Variants in PKIB observed in about 807,000 individuals in gnomAD.
The protein encoded by PKIB is PKI-beta.
In PKIB, 2 loss-of-function variants were observed where a neutral mutation model predicts 4.5. The ratio of observed to expected loss-of-function variants is 0.44; its 90% confidence interval spans 0.18 to 1.39. The LOEUF (loss-of-function observed/expected upper bound fraction) is 1.39, where lower values mean the gene tolerates loss of function less well. Ranked by LOEUF, PKIB falls within the 40% of genes most tolerant of loss-of-function variation. The pLI is 0.27. For synonymous variants in PKIB, 38 were observed against 36.0 expected (o/e 1.06, Z -0.20); for missense variants, 94 against 92.6 (o/e 1.02, Z -0.06).
chr6:122,616,158 A>G (rs1774978216), intron 1 of PKIB, among the ~76,000 whole-genome samples: 1 of 152,190 alleles, frequency 6.6e-6, no homozygotes, highest in African/African-American at 2.4e-5. Flanking sequence ...TGGGAGAAAA[A>G]TGAATCCTGG....
At chr6:122,706,606 A>G (rs796862924) in intron 3 of PKIB, among the ~76,000 whole-genome samples, 38 of 152,276 alleles carry the variant, frequency 2.5e-4, no homozygotes, top group African/African-American at 8.7e-4. Flanking sequence ...GTTACTTGCT[A>G]GCTAGGTTTA....
intron 2 of PKIB, among the ~76,000 whole-genome samples, chr6:122,662,210 T>A (rs963683398): frequency 5.3e-5 from 8 of 151,736 alleles, no homozygotes; most frequent in African/African-American, 1.9e-4. Flanking sequence ...AAGTTCAATT[T>A]ATCAATTTTT....
intron 2 of PKIB, among the ~76,000 whole-genome samples, chr6:122,570,746 A>G (rs1773339380): frequency 6.6e-6 from 1 of 152,328 alleles, no homozygotes; most frequent in South Asian, 2.1e-4. Context: ...TTAAATAAAA[A>G]CCACAGTCAA....
chr6:122,553,922 C>T (rs1234996022), intron 2 of PKIB, among the ~76,000 whole-genome samples: 2 of 152,168 alleles, frequency 1.3e-5, no homozygotes, highest in East Asian at 3.9e-4. Context: ...GCTTGGAGCT[C>T]TTAATAAATC....
At chr6:122,652,679 C>T (rs1009694701) in intron 2 of PKIB, 17 of 152,222 alleles carry the variant, frequency 1.1e-4, no homozygotes, top group African/African-American at 3.6e-4. Context: ...GACTCAGAGT[C>T]ATCCCACATG....
chr6:122,682,511 A>G (rs893298507), intron 3 of PKIB, among the ~76,000 whole-genome samples: 4 of 152,218 alleles, frequency 2.6e-5, no homozygotes, highest in Non-Finnish European at 4.4e-5. Context: ...TCAATGGATT[A>G]TCTAAAAACT....
In PKIB at chr6:122,680,423, G is replaced by A. The variant is rs9490517; in HGVS notation, c.-9+5279G>A. On this transcript the variant is annotated intron_variant, in intron 3 of 4. Coordinates refer to ENST00000368452, the MANE Select transcript of PKIB (RefSeq NM_181795.3). ...GGGAGGACCCTCTCTGAAATGGAGG[G>A]GTTCTTCAGACCTATGGTTGAATGA... is the stretch of plus-strand genomic sequence containing the variant. Among the ~76,000 whole-genome samples, 385 of 152,282 alleles carry A rather than the reference G, an allele frequency of 2.5e-3. 2 individuals carry two copies. Among genetic ancestry groups the A allele is most frequent in the African/African-American group, 8.7e-3 (360 of 41,574 alleles).
At chr6:122,487,989 TTC>T (rs1775818195) in intron 2 of PKIB, among the ~76,000 whole-genome samples, 1 of 152,184 alleles carries the variant, frequency 6.6e-6, no homozygotes, top group South Asian at 2.1e-4. Context: ...ATTGTAAAGT[TTC>T]TGTTTCTCTC....
At chr6:122,524,490 C>A (rs917518714) in intron 2 of PKIB, among the ~76,000 whole-genome samples, 1 of 152,004 alleles carries the variant, frequency 6.6e-6, no homozygotes, top group Non-Finnish European at 1.5e-5. Flanking sequence ...TCAGGTAATG[C>A]CTCATAGAAG....
rs187597819 is a variant in PKIB, at chr6:122,613,927, C to T, written c.-161+3392C>T. On this transcript the variant is annotated intron_variant, in intron 1 of 4. Transcript: ENST00000368452. ...GCAGTGAGCTGAGATGGCACCACTG[C>T]ACTCCAGCCTGGTGACAGAGTGAGA... Among the ~76,000 whole-genome samples, 4 of 139,942 alleles carry T rather than the reference C, an allele frequency of 2.9e-5. No homozygotes were observed. The East Asian group carries it at 8.4e-4, about 29-fold the overall frequency. 91.8% of individuals were successfully genotyped at this position (139,942 alleles called of 152,430 possible).
chr6:122,494,006 G>A (rs1198281343), intron 2 of PKIB, among the ~76,000 whole-genome samples: 3 of 152,048 alleles, frequency 2.0e-5, no homozygotes, highest in East Asian at 1.9e-4. Context: ...GTCCTTAAGA[G>A]TCATGAGACA....
rs1235916009 is a variant in PKIB at position 122,715,910 on chromosome 6, A to C, written c.-8-1877A>C. On this transcript the variant is annotated intron_variant, in intron 3 of 4. Transcript: ENST00000368452. Reference sequence around the variant, plus strand: ...GCTGACTTAGCAGCTGTGCAACTTTAAATGAGTCGCTTAACCTCTCTGACC... The same window carrying C: ...GCTGACTTAGCAGCTGTGCAACTTTCAATGAGTCGCTTAACCTCTCTGACC... Among the ~76,000 whole-genome samples, 3 of 152,092 alleles carry C rather than the reference A, an allele frequency of 2.0e-5. No individual in the cohort carries two copies. The East Asian group carries it at 5.8e-4, about 29-fold the overall frequency.
intron 3 of PKIB, chr6:122,717,507 A>T: frequency 2.4e-6 from 1 of 422,504 alleles, no homozygotes; most frequent in East Asian, 3.5e-5. Context: ...AAAGCAGAAC[A>T]AAAGGCAAGG....
At position 122,643,289 on chromosome 6, in the gene PKIB, T is replaced by C. The variant is rs544836046; in HGVS notation, c.-76+9922T>C. ...TTCAAGGACTGCCATTAACCAGCTA[T>C]GTAACCTGGTGTTAACTATTAAGTT... On this transcript the variant is annotated intron_variant, in intron 2 of 4. Coordinates refer to ENST00000368452, the MANE Select transcript of PKIB (RefSeq NM_181795.3). The C allele has an allele frequency of 2.6e-5, 4 of 152,330 alleles. No homozygotes were observed. In the South Asian group the frequency reaches 8.3e-4, roughly 32 times the overall value. 9.4% of individuals were successfully genotyped at this position (152,330 alleles called of 1,614,324 possible). A position where few individuals can be genotyped will look rare whatever the true frequency, so the allele number is the denominator to read the frequency against.
intron 3 of PKIB, among the ~76,000 whole-genome samples, chr6:122,704,371 A>G (rs952587535): frequency 6.6e-6 from 1 of 152,172 alleles, no homozygotes; most frequent in Non-Finnish European, 1.5e-5. Context: ...TCAAGTTGGC[A>G]TATAAAATTA....
intron 2 of PKIB, among the ~76,000 whole-genome samples, chr6:122,674,632 A>G (rs1416083139): frequency 6.6e-6 from 1 of 152,200 alleles, no homozygotes; most frequent in Non-Finnish European, 1.5e-5. Context: ...TAGAATACTT[A>G]TGGAGGGTGC....
At chr6:122,501,325 G>A (rs1776229207) in intron 2 of PKIB, among the ~76,000 whole-genome samples, 1 of 152,188 alleles carries the variant, frequency 6.6e-6, no homozygotes, top group South Asian at 2.1e-4. Flanking sequence ...CATTCCAAAA[G>A]GGATAAATTG....
intron 2 of PKIB, among the ~76,000 whole-genome samples, chr6:122,651,437 T>A (rs2114879645): frequency 6.6e-6 from 1 of 152,186 alleles, no homozygotes; most frequent in Middle Eastern, 3.4e-3. Flanking sequence ...ATCAACAGGG[T>A]CTTGCAAGAC....
At chr6:122,560,427 G>A (rs1159065367) in intron 2 of PKIB, among the ~76,000 whole-genome samples, 1 of 151,990 alleles carries the variant, frequency 6.6e-6, no homozygotes, top group Non-Finnish European at 1.5e-5. Context: ...TTTTTGATAT[G>A]TTGTTGGTTA....
Sources: gnomAD v4.1 joint callset for allele counts (sites outside exome capture counted in the v4.1 genomes callset) on GRCh38, gnomAD v4.1.1 for gene constraint, MANE v1.5 for transcripts, NCBI Gene and HGNC (gene_info 2026-07-23, HGNC 2026-07-21) for gene names.